The following GABRA5 variants were observed in gnomAD, a reference collection of about 807,000 sequenced individuals.
GABRA5 encodes gamma-aminobutyric acid type A receptor subunit alpha5.
Under a neutral mutation model 47.3 loss-of-function variants are expected in GABRA5, and 18 were observed. The ratio of observed to expected loss-of-function variants is 0.38; its 90% CI spans 0.26 to 0.56. The LOEUF (loss-of-function observed/expected upper bound fraction) is 0.56, where lower values mean the gene tolerates loss of function less well. Ranked by LOEUF, GABRA5 falls within the 20% of genes least tolerant of loss-of-function variation. The pLI is 0.71. For synonymous variants in GABRA5, 237 were observed against 229.3 expected (o/e 1.03, Z -0.30); for missense variants, 365 against 599.3 (o/e 0.61, Z 4.08).
At chr15:26,933,136 T>C (rs1375818552) in intron 7 of GABRA5, among the ~76,000 whole-genome samples, 1 of 149,490 alleles carries the variant, frequency 6.7e-6, no homozygotes, top group Non-Finnish European at 1.5e-5. Flanking sequence ...GTGTGAGTGA[T>C]GTTTGTTGAG....
chr15:26,893,663 T>C (rs989369535), intron 6 of GABRA5, among the ~76,000 whole-genome samples: 2 of 151,964 alleles, frequency 1.3e-5, no homozygotes, highest in African/African-American at 4.8e-5. Context: ...GCCCAGGGCC[T>C]GCTCACCCTG....
chr15:26,928,304 G>A (rs557136166), intron 7 of GABRA5, among the ~76,000 whole-genome samples: 51 of 152,286 alleles, frequency 3.3e-4, no homozygotes, highest in African/African-American at 1.1e-3. Flanking sequence ...CAGGATGAGC[G>A]TGGATGATCT....
intron 8 of GABRA5, 101 bp from the exon 9 acceptor site, chr15:26,939,824 C>A: frequency 8.3e-7 from 1 of 1,206,094 alleles, no homozygotes; most frequent in Non-Finnish European, 1.2e-6. Flanking sequence ...AATGCTTGTC[C>A]AAACCGACAG....
Position 26,920,535 on chromosome 15 carries a change from T to C in GABRA5, c.580+5650T>C, listed in dbSNP as rs144506647. Among the ~76,000 whole-genome samples, 233 of 152,288 alleles carry C rather than the reference T, an allele frequency of 1.5e-3. 4 individuals carry two copies. In the East Asian group the frequency reaches 0.037, roughly 24 times the overall value. ...TTTTCAGTAAGTATCTCTATGATGG[T>C]TATTTTGAATTCTCTGTCAGATAAA... is the stretch of plus-strand genomic sequence containing the variant. On this transcript the variant is annotated intron_variant, in intron 7 of 10. Coordinates refer to ENST00000335625, the MANE Select transcript of GABRA5 (RefSeq NM_000810.4).
chr15:26,872,306 T>A (rs1321288261), intron 3 of GABRA5, among the ~76,000 whole-genome samples: 4 of 152,202 alleles, frequency 2.6e-5, no homozygotes, highest in Non-Finnish European at 5.9e-5. Context: ...CTGTATGAGC[T>A]GAGCACCGTT....
chr15:26,916,701 A>T (rs1893724135), intron 7 of GABRA5, among the ~76,000 whole-genome samples: 1 of 152,234 alleles, frequency 6.6e-6, no homozygotes, highest in South Asian at 2.1e-4. Context: ...TTCATCCATG[A>T]ACGAGTGGCA....
chr15:26,900,497 A>G (rs1893301391), intron 6 of GABRA5, among the ~76,000 whole-genome samples: 1 of 152,144 alleles, frequency 6.6e-6, no homozygotes, highest in Non-Finnish European at 1.5e-5. Flanking sequence ...GGCAAGTCTT[A>G]TAGCAACGAA....
At chr15:26,877,866 A>G (rs1320614872) in intron 3 of GABRA5, among the ~76,000 whole-genome samples, 1 of 152,222 alleles carries the variant, frequency 6.6e-6, no homozygotes, top group African/African-American at 2.4e-5. Flanking sequence ...TATTTCTGTT[A>G]TGTCTAAGAC....
intron 7 of GABRA5, among the ~76,000 whole-genome samples, chr15:26,916,315 A>T (rs1417452569): frequency 6.6e-6 from 1 of 152,122 alleles, no homozygotes; most frequent in Non-Finnish European, 1.5e-5. Flanking sequence ...AAGAAACACC[A>T]CTTGTTGAAG....
Position 26,907,299 on chromosome 15 carries a change from T to C in GABRA5, c.498-7504T>C, listed in dbSNP as rs908453111. On this transcript the variant is annotated intron_variant, in intron 6 of 10. Coordinates refer to ENST00000335625, the MANE Select transcript of GABRA5 (RefSeq NM_000810.4). ...TAGTGTATTCTTATTTGAAAGACTT[T>C]AAAATTTCAGTAATACCCTAAGTTG... 2.0e-5 allele frequency among the ~76,000 whole-genome samples: 3 copies of C among 152,370 alleles called. No individual in the cohort carries two copies. In the South Asian group the frequency reaches 6.2e-4, roughly 32 times the overall value.
chr15:26,868,494 G>A (rs1892382006), intron 1 of GABRA5, among the ~76,000 whole-genome samples: 1 of 152,216 alleles, frequency 6.6e-6, no homozygotes, highest in South Asian at 2.1e-4. Context: ...TTTCAGGAAG[G>A]TTAGTCGTTG....
In GABRA5 at chr15:26,869,240, T is replaced by C. The variant is rs140113285; in HGVS notation, c.-9T>C. Reference sequence around the variant, plus strand: ...TATTCACCTGCTTCAACTACTATTCTTATTGGGAATGGACAATGGAATGTT... The same window carrying C: ...TATTCACCTGCTTCAACTACTATTCCTATTGGGAATGGACAATGGAATGTT... On this transcript the variant is annotated 5_prime_UTR_variant, in exon 3 of 11. Coordinates refer to ENST00000335625, the MANE Select transcript of GABRA5 (RefSeq NM_000810.4). 3.0e-4 allele frequency: 469 copies of C among 1,539,188 alleles called. 2 individuals carry two copies. The East Asian group carries it at 0.01, about 34-fold the overall frequency.
At chr15:26,943,172 C>A in intron 9 of GABRA5, 43 bp from the exon 10 acceptor site, 1 of 1,471,686 alleles carries the variant, frequency 6.8e-7, no homozygotes, top group South Asian at 1.2e-5. Flanking sequence ...CCAGCACTGA[C>A]CCCTGTTTCC....
At chr15:26,947,248 T>C (rs1027355372) in intron 10 of GABRA5, among the ~76,000 whole-genome samples, 2 of 152,192 alleles carry the variant, frequency 1.3e-5, no homozygotes, top group African/African-American at 4.8e-5. Context: ...GAGGTACATG[T>C]GCAGGTTTGT....
At chr15:26,933,826 G>A (rs978943927) in intron 7 of GABRA5, among the ~76,000 whole-genome samples, 4 of 152,182 alleles carry the variant, frequency 2.6e-5, no homozygotes, top group Non-Finnish European at 4.4e-5. Context: ...GATATTGGGT[G>A]TCCAGTAGGC....
At chr15:26,919,389 T>G (rs1893791173) in intron 7 of GABRA5, among the ~76,000 whole-genome samples, 1 of 152,158 alleles carries the variant, frequency 6.6e-6, no homozygotes, top group Non-Finnish European at 1.5e-5. Context: ...TTCCTTTCTC[T>G]TCTTTTCTGT....
At chr15:26,877,782 A>G (rs1050544522) in intron 3 of GABRA5, 5 of 397,118 alleles carry the variant, frequency 1.3e-5, no homozygotes, top group Non-Finnish European at 2.0e-5. Flanking sequence ...ATATAAGGAA[A>G]TAATTCCTAT....
chr15:26,877,962 G>A (rs73363989), intron 3 of GABRA5, among the ~76,000 whole-genome samples: 6 of 152,142 alleles, frequency 3.9e-5, no homozygotes, highest in Admixed American at 1.3e-4. Context: ...TGAAGCACTC[G>A]TGGACTCTGG....
rs557309842 is a variant in GABRA5, at chr15:26,934,914, C to T, written c.581-2271C>T. On this transcript the variant is annotated intron_variant, in intron 7 of 10. Coordinates refer to ENST00000335625, the MANE Select transcript of GABRA5 (RefSeq NM_000810.4). ...GAAAACGGTGATGAATTTCCAAGCC[C>T]GATGCGAGTGAAAATGTTTCAGACC... Among the ~76,000 whole-genome samples, 36 of 152,266 alleles carry T rather than the reference C, an allele frequency of 2.4e-4. 2 individuals carry two copies. Among genetic ancestry groups the T allele is most frequent in the African/African-American group, 7.7e-4 (32 of 41,560 alleles).
Sources: allele counts gnomAD v4.1 joint callset (sites outside exome capture counted in the v4.1 genomes callset), GRCh38; gene constraint gnomAD v4.1.1; transcripts MANE v1.5; gene names NCBI Gene and HGNC (gene_info 2026-07-23, HGNC 2026-07-21).